Variants in PCSK7 observed in about 807,000 individuals in gnomAD.
PCSK7 encodes proprotein convertase subtilisin/kexin type 7.
Under a neutral mutation model 73.3 loss-of-function variants are expected in PCSK7, and 38 were observed. The ratio of observed to expected loss-of-function variants is 0.52; its 90% CI spans 0.40 to 0.68. The LOEUF (loss-of-function observed/expected upper bound fraction) is 0.68, where lower values mean the gene tolerates loss of function less well. Among genes scored for constraint, PCSK7 ranks in the 30% least tolerant of loss-of-function variants. The pLI is 0.00. For synonymous variants in PCSK7, 296 were observed against 383.8 expected (o/e 0.77, Z 2.68); for missense variants, 692 against 991.5 (o/e 0.70, Z 4.06).
chr11:117,224,220 A>T lies in PCSK7; in HGVS notation c.916-4T>A, dbSNP rs917734892. On this transcript the variant is annotated splice_polypyrimidine_tract_variant and splice_region_variant and intron_variant, in intron 7 of 16. Transcript: ENST00000320934. ...TCACCCCATGTTGTAAGGCAGCCTG[A>T]GGAGCCAAAACATCAGGGTGTCAGT... 2 of 1,614,080 alleles carry T rather than the reference A, an allele frequency of 1.2e-6. No homozygotes were observed. The highest frequency in any genetic ancestry group is 2.7e-5 in the African/African-American group (2 of 75,052).
Position 117,204,767 on chromosome 11 carries a change from A to C in PCSK7, c.*1230T>G. On this transcript the variant is annotated 3_prime_UTR_variant, in exon 17 of 17. Transcript: ENST00000320934. ...ATTTTTGGGGTTGGAACTCAAAAAA[A>C]AAAAAAAAAAATCAATCTTTTCTCA... 3.2e-6 allele frequency: 1 copy of C among 309,278 alleles called. No individual in the cohort carries two copies. The highest frequency in any genetic ancestry group is 3.6e-5 in the South Asian group (1 of 27,576). 19.2% of individuals were successfully genotyped at this position (309,278 alleles called of 1,614,324 possible).
chr11:117,213,138 A>G (rs2134295216), intron 12 of PCSK7: 1 of 152,294 alleles, frequency 6.6e-6, no homozygotes, highest in African/African-American at 2.4e-5. Flanking sequence ...ATGCCTATAA[A>G]CCTCACTGTC....
In PCSK7 at chr11:117,225,985, A is replaced by C; in HGVS notation, c.806T>G (p.Met269Arg). 6.2e-7 allele frequency: 1 copy of C among 1,612,042 alleles called. No individual in the cohort carries two copies. Among genetic ancestry groups the C allele is most frequent in the Non-Finnish European group, 8.5e-7 (1 of 1,178,134 alleles). The stretch of plus-strand genomic sequence containing the variant: ...GTGCTTGTTGAACGCCACTGCCTCC[A>C]TGCTGTCTGTGAGAGGTCCATCCAG... ...RVLDGPLTDS[M>R]EAVAFNKHYQ... Residue 269 changes from methionine (M) to arginine (R), a missense_variant, in exon 6 of 17, where the codon ATG (methionine) becomes AGG (arginine). Coordinates refer to ENST00000320934, the MANE Select transcript of PCSK7 (RefSeq NM_004716.4).
chr11:117,219,997 G>A (rs1591798567), intron 9 of PCSK7: 4 of 365,420 alleles, frequency 1.1e-5, no homozygotes, highest in Middle Eastern at 1.4e-3. Flanking sequence ...AGTTGTTATG[G>A]GGGAAAGGTA....
intron 3 of PCSK7, among the ~76,000 whole-genome samples, chr11:117,228,942 A>G (rs574748246): frequency 1.4e-4 from 22 of 152,284 alleles, no homozygotes; most frequent in Admixed American, 1.3e-3. Flanking sequence ...TCTTATGCCA[A>G]TGGTAGTATC....
chr11:117,206,305 G>A lies in PCSK7; in HGVS notation c.2050C>T (p.Leu684=), dbSNP rs780100588. 29 of 1,614,166 alleles carry A rather than the reference G, an allele frequency of 1.8e-5. No homozygotes were observed. The highest frequency in any genetic ancestry group is 2.5e-5 in the Non-Finnish European group (29 of 1,180,012). ...FTVFWTVYYM[L]EVYLSQRNVA... ...TTCCTCTGGCTCAAATATACTTCCAGCATGTAGTAAACAGTCCAGAAGACG... is the reference window on the plus strand; with the variant it reads ...TTCCTCTGGCTCAAATATACTTCCAACATGTAGTAAACAGTCCAGAAGACG... The change falls in exon 17 of 17, where the codon CTG becomes TTG. Residue 684 remains leucine, a synonymous_variant. Transcript: ENST00000320934.
At chr11:117,222,677 TG>T (rs1313573251) in intron 9 of PCSK7, 1 of 151,876 alleles carries the variant, frequency 6.6e-6, no homozygotes, top group Non-Finnish European at 1.5e-5. Flanking sequence ...GAAGGAGTCT[TG>T]TTCTGTCACC....
chr11:117,225,521 A>G (rs544753091), intron 6 of PCSK7: 38 of 204,562 alleles, frequency 1.9e-4, no homozygotes, highest in African/African-American at 8.4e-4. Context: ...GGTGCCATCA[A>G]TGCCATGTGG....
At position 117,204,548 on chromosome 11, in the gene PCSK7, T is replaced by A; in HGVS notation, c.*1449A>T. The A allele has an allele frequency of 2.3e-6, 2 of 857,640 alleles. No individual in the cohort carries two copies. Among genetic ancestry groups the A allele is most frequent in the Non-Finnish European group, 1.9e-6 (1 of 531,782 alleles). 53.1% of individuals were successfully genotyped at this position (857,640 alleles called of 1,614,324 possible). ...TGCCCCCAGCCTCAGCCCAACTTCT[T>A]ACCCGAAAGCATCACTGCCTTGGCC... is the stretch of plus-strand genomic sequence containing the variant. On this transcript the variant is annotated 3_prime_UTR_variant, in exon 17 of 17. Coordinates refer to ENST00000320934, the MANE Select transcript of PCSK7 (RefSeq NM_004716.4).
intron 6 of PCSK7, chr11:117,224,969 T>C (rs997499519): frequency 3.3e-5 from 19 of 572,380 alleles, no homozygotes; most frequent in Non-Finnish European, 4.4e-5. Flanking sequence ...GCTCTTCTTT[T>C]CCTTGTGAAT....
chr11:117,219,834 C>A, intron 9 of PCSK7, 76 bp from the exon 10 acceptor site: 1 of 1,176,260 alleles, frequency 8.5e-7, no homozygotes. Context: ...ACCTATAGTC[C>A]CGGCTACCTG....
At chr11:117,223,187 G>A in intron 9 of PCSK7, 21 bp downstream of exon 9, 1 of 1,461,960 alleles carries the variant, frequency 6.8e-7, no homozygotes, top group African/African-American at 1.4e-5. Flanking sequence ...GCAGGCCGTG[G>A]AGGGCCCGGG....
intron 9 of PCSK7, chr11:117,222,522 TAGG>T (rs948484413): frequency 1.3e-5 from 2 of 152,206 alleles, no homozygotes; most frequent in African/African-American, 4.8e-5. Context: ...GCAATGGAAT[TAGG>T]AGTTTTTTTT....
At chr11:117,224,962 C>G (rs1036410237) in intron 6 of PCSK7, 26 of 530,204 alleles carry the variant, frequency 4.9e-5, no homozygotes, top group African/African-American at 4.6e-4. Flanking sequence ...TGCTAAGGCT[C>G]TTCTTTTCCT....
rs2031254747 is a variant in PCSK7, at chr11:117,204,517, T to C, written c.*1480A>G. ...ATGGTAACTGCACCTGGGCAGCTCC[T>C]CCCTGTGCCCCCAGCCTCAGCCCAA... On this transcript the variant is annotated 3_prime_UTR_variant, in exon 17 of 17. Coordinates refer to ENST00000320934, the MANE Select transcript of PCSK7 (RefSeq NM_004716.4). The C allele has an allele frequency of 1.4e-5, 16 of 1,142,162 alleles. No individual in the cohort carries two copies. In the East Asian group the frequency reaches 4.1e-4, roughly 29 times the overall value. The allele number at this position is 1,142,162 out of a possible 1,614,324, so 70.8% of individuals were successfully genotyped here.
rs7944157 is a variant in PCSK7, at chr11:117,218,315, T to G, written c.1534+151A>C. 3 of 474,006 alleles carry G rather than the reference T, an allele frequency of 6.3e-6. No individual in the cohort carries two copies. The highest frequency in any genetic ancestry group is 1.1e-5 in the Non-Finnish European group (3 of 263,478). 29.4% of individuals were successfully genotyped at this position (474,006 alleles called of 1,614,324 possible). ...GAGCCAACTCAGAAGCAGTAACATG[T>G]CCTAAAATGGTCAAAGAAAACTCCA... On this transcript the variant is annotated intron_variant, in intron 12 of 16. Transcript: ENST00000320934. This position sits in a 1 kb window ranked among gnomAD's most constrained non-coding sequence, Gnocchi z 4.0.
At position 117,204,507 on chromosome 11, in the gene PCSK7, G is replaced by A; in HGVS notation, c.*1490C>T. The stretch of plus-strand genomic sequence containing the variant: ...TCACTGAGCAATGGTAACTGCACCT[G>A]GGCAGCTCCTCCCTGTGCCCCCAGC... On this transcript the variant is annotated 3_prime_UTR_variant, in exon 17 of 17. Coordinates refer to ENST00000320934, the MANE Select transcript of PCSK7 (RefSeq NM_004716.4). The A allele has an allele frequency of 8.1e-7, 1 of 1,237,438 alleles. No individual in the cohort carries two copies. Among genetic ancestry groups the A allele is most frequent in the Non-Finnish European group, 1.2e-6 (1 of 866,946 alleles). 76.7% of individuals were successfully genotyped at this position (1,237,438 alleles called of 1,614,324 possible).
At chr11:117,216,938 A>G (rs576316231) in intron 12 of PCSK7, 4 of 152,320 alleles carry the variant, frequency 2.6e-5, no homozygotes, top group African/African-American at 9.6e-5. Context: ...AAAAACAAAA[A>G]CAAAAATGAA....
Position 117,224,689 on chromosome 11 carries a change from C to G in PCSK7, c.915+12G>C, listed in dbSNP as rs1337393360. ...CATCCCGTTTCTCAGAGTCTTTGTG[C>G]AGGCCAGTTACCTTTCCAAGCTGAT... is the stretch of plus-strand genomic sequence containing the variant. On this transcript the variant is annotated intron_variant, in intron 7 of 16. Transcript: ENST00000320934. 1.2e-6 allele frequency: 2 copies of G among 1,607,394 alleles called. No individual in the cohort carries two copies. The highest frequency in any genetic ancestry group is 3.3e-5 in the Admixed American group (2 of 59,992).
Sources: allele counts gnomAD v4.1 joint callset (sites outside exome capture counted in the v4.1 genomes callset), GRCh38; gene constraint gnomAD v4.1.1; non-coding constraint Gnocchi (gnomAD v3.1); transcripts MANE v1.5; gene names NCBI Gene and HGNC (gene_info 2026-07-23, HGNC 2026-07-21).